Variants in CELF4 observed in about 807,000 individuals in gnomAD.
The protein encoded by CELF4 is CUG-BP- and ETR-3-like factor 4.
Under a neutral mutation model 59.9 loss-of-function variants are expected in CELF4, and 18 were observed. That is an observed-to-expected ratio of 0.30 (90% CI 0.21 to 0.45). The LOEUF (loss-of-function observed/expected upper bound fraction) is 0.45. CELF4 is among the 20% of genes least tolerant of loss of function. The pLI, the probability that CELF4 is intolerant of heterozygous loss-of-function variation, is 1.00. For synonymous variants in CELF4, 261 were observed against 267.1 expected (o/e 0.98, Z 0.22); for missense variants, 456 against 689.0 (o/e 0.66, Z 3.79).
chr18:37,281,215 G>T (rs1165132682), intron 3 of CELF4, among the ~76,000 whole-genome samples: 1 of 152,228 alleles, frequency 6.6e-6, no homozygotes, highest in Non-Finnish European at 1.5e-5. Context: ...CATCTTGCTG[G>T]CCGGGCAGGG....
At chr18:37,373,265 G>A (rs2098925034) in intron 2 of CELF4, among the ~76,000 whole-genome samples, 2 of 152,346 alleles carry the variant, frequency 1.3e-5, no homozygotes, top group Admixed American at 1.3e-4. Flanking sequence ...CAGGGCATCA[G>A]CAAGCTGGTC....
In CELF4 at chr18:37,368,249, A is replaced by C. The variant is rs538049188; in HGVS notation, c.370-46368T>G. On this transcript the variant is annotated intron_variant, in intron 2 of 12. Coordinates refer to ENST00000420428, the MANE Select transcript of CELF4 (RefSeq NM_020180.4). ...TGTGAGGCTTTGGTTTCCTCTGAGCACAATGTGGAGGAATCTGCCATCTGA... is the reference window on the plus strand; with the variant it reads ...TGTGAGGCTTTGGTTTCCTCTGAGCCCAATGTGGAGGAATCTGCCATCTGA... Among the ~76,000 whole-genome samples, 3 of 152,216 alleles carry C rather than the reference A, an allele frequency of 2.0e-5. No individual in the cohort carries two copies. In the East Asian group the frequency reaches 5.8e-4, roughly 29 times the overall value.
chr18:37,470,836 CTGTGTGTGTGTGTGTGTGTGTGTGTG>C (rs71381583), intron 2 of CELF4, among the ~76,000 whole-genome samples: 2 of 93,132 alleles, frequency 2.1e-5, no homozygotes, highest in Admixed American at 1.3e-4. Flanking sequence ...CTTCATGACT[CTGTGTGTGTGTGTGTGTGTGTGTGTG>C]TGTGTGTGTG....
At chr18:37,336,951 C>T (rs1300057091) in intron 2 of CELF4, among the ~76,000 whole-genome samples, 10 of 152,076 alleles carry the variant, frequency 6.6e-5, no homozygotes, top group Admixed American at 6.5e-5. Flanking sequence ...GCTTCGGCTG[C>T]GTCCCACTTC....
chr18:37,309,352 A>G (rs1397604759), intron 3 of CELF4, among the ~76,000 whole-genome samples: 1 of 152,186 alleles, frequency 6.6e-6, no homozygotes, highest in African/African-American at 2.4e-5. Context: ...AATGGGAGTG[A>G]TCCTCACCCA....
intron 1 of CELF4, among the ~76,000 whole-genome samples, chr18:37,529,634 A>C (rs1249100706): frequency 6.6e-6 from 1 of 152,128 alleles, no homozygotes; most frequent in Admixed American, 6.5e-5. Flanking sequence ...ACAGTTTTGG[A>C]TTTGCTTTGC....
chr18:37,336,303 C>G (rs2097768954), intron 2 of CELF4, among the ~76,000 whole-genome samples: 1 of 152,210 alleles, frequency 6.6e-6, no homozygotes, highest in East Asian at 1.9e-4. Flanking sequence ...CCTGCCTCAG[C>G]CTCCCAAGTA....
intron 2 of CELF4, among the ~76,000 whole-genome samples, chr18:37,359,251 G>A (rs1296421833): frequency 6.6e-6 from 1 of 152,230 alleles, no homozygotes; most frequent in Non-Finnish European, 1.5e-5. Flanking sequence ...GATCTCAGAG[G>A]TGCCAAAGAA....
At chr18:37,430,508 C>T (rs920354825) in intron 2 of CELF4, among the ~76,000 whole-genome samples, 13 of 152,162 alleles carry the variant, frequency 8.5e-5, no homozygotes, top group South Asian at 2.1e-4. Context: ...TGGTGTGTAG[C>T]GCAGTAACAG....
chr18:37,371,117 T>C (rs998351010), intron 2 of CELF4, among the ~76,000 whole-genome samples: 2 of 152,264 alleles, frequency 1.3e-5, no homozygotes, highest in African/African-American at 4.8e-5. Flanking sequence ...TTTCTCCCTA[T>C]TGAACTACGT....
rs371103622 is a variant in CELF4, at chr18:37,565,089, TC to T, written c.286+266del. On this transcript the variant is annotated intron_variant, in intron 1 of 12. Transcript: ENST00000420428. ...AAAAATCCAAGCCCCGTCTCCTCGATCCCCTCTCTCTTTCTCTTCATCGGCG... is the reference window on the plus strand; with the variant it reads ...AAAAATCCAAGCCCCGTCTCCTCGATCCCTCTCTCTTTCTCTTCATCGGCG... Among the ~76,000 whole-genome samples the T allele has an allele frequency of 4.5e-4, 68 of 152,122 alleles. 1 individual carries two copies. The East Asian group carries it at 0.012, about 27-fold the overall frequency.
chr18:37,295,747 T>G (rs751888392), intron 3 of CELF4, among the ~76,000 whole-genome samples: 8 of 152,218 alleles, frequency 5.3e-5, no homozygotes, highest in Non-Finnish European at 1.0e-4. Flanking sequence ...GGTGTGGGCA[T>G]GGGGAGTCTC....
intron 2 of CELF4, among the ~76,000 whole-genome samples, chr18:37,485,185 G>C (rs1019948119): frequency 6.6e-6 from 1 of 151,922 alleles, no homozygotes; most frequent in African/African-American, 2.4e-5. Flanking sequence ...CCACTAGAGC[G>C]GCCCGCGTCG....
intron 10 of CELF4, among the ~76,000 whole-genome samples, chr18:37,259,804 CCT>C (rs1242550821): frequency 1.3e-5 from 2 of 152,314 alleles, no homozygotes; most frequent in African/African-American, 4.8e-5. Flanking sequence ...CTCATCTGCC[CCT>C]GATGGCCCAA....
chr18:37,289,703 C>T (rs2095184374), intron 3 of CELF4, among the ~76,000 whole-genome samples: 1 of 152,168 alleles, frequency 6.6e-6, no homozygotes, highest in South Asian at 2.1e-4. Flanking sequence ...GATGAGAGTA[C>T]TGTTTGATAG....
chr18:37,388,084 G>C (rs989141245), intron 2 of CELF4, among the ~76,000 whole-genome samples: 1 of 152,088 alleles, frequency 6.6e-6, no homozygotes, highest in South Asian at 2.1e-4. Flanking sequence ...ACTGTACAGC[G>C]CAGTGTGATT....
chr18:37,375,719 G>A (rs2098960665), intron 2 of CELF4, among the ~76,000 whole-genome samples: 1 of 152,160 alleles, frequency 6.6e-6, no homozygotes, highest in South Asian at 2.1e-4. Context: ...TGCCCACCTG[G>A]CCTCTGGGAG....
At chr18:37,439,125 T>G (rs941580838) in intron 2 of CELF4, among the ~76,000 whole-genome samples, 4 of 152,114 alleles carry the variant, frequency 2.6e-5, no homozygotes, top group Non-Finnish European at 5.9e-5. Context: ...ATGAGAAAAC[T>G]GAGGCCCAGA....
intron 3 of CELF4, among the ~76,000 whole-genome samples, chr18:37,300,435 G>A (rs1157300363): frequency 6.6e-6 from 1 of 151,386 alleles, no homozygotes; most frequent in African/African-American, 2.5e-5. Flanking sequence ...ACATTGGCCA[G>A]GCTGGTCTCG....
Sources: gnomAD v4.1 joint callset for allele counts (sites outside exome capture counted in the v4.1 genomes callset) on GRCh38, gnomAD v4.1.1 for gene constraint, MANE v1.5 for transcripts, NCBI Gene and HGNC (gene_info 2026-07-23, HGNC 2026-07-21) for gene names.